The following RASSF6 variants were observed in gnomAD, a reference collection of about 807,000 sequenced individuals.
RASSF6 encodes the protein ras association domain-containing protein 6.
Under a neutral mutation model 44.0 loss-of-function variants are expected in RASSF6, and 52 were observed. That is an observed-to-expected ratio of 1.18 (90% CI 0.95 to 1.49). The LOEUF (loss-of-function observed/expected upper bound fraction) is 1.49, where lower values mean the gene tolerates loss of function less well. Among genes scored for constraint, RASSF6 ranks in the 40% most tolerant of loss-of-function variants. The pLI is 0.00. For missense variants in RASSF6, 464 were observed against 393.3 expected (o/e 1.18, Z -1.52); for synonymous variants, 162 against 124.6 (o/e 1.30, Z -2.00).
intron 4 of RASSF6, among the ~76,000 whole-genome samples, chr4:73,589,781 C>T (rs910900036): frequency 4.6e-5 from 7 of 152,018 alleles, no homozygotes; most frequent in African/African-American, 1.7e-4. Context: ...TTCTGTTGCT[C>T]TGACTAAAGT....
chr4:73,607,497 C>T (rs1218975969), intron 2 of RASSF6, among the ~76,000 whole-genome samples: 1 of 152,186 alleles, frequency 6.6e-6, no homozygotes, highest in Admixed American at 6.5e-5. Flanking sequence ...TCTAGGGAAG[C>T]CTTCTTGGAA....
At chr4:73,592,728 A>AG (rs1329205906) in intron 4 of RASSF6, among the ~76,000 whole-genome samples, 1 of 152,194 alleles carries the variant, frequency 6.6e-6, no homozygotes, top group African/African-American at 2.4e-5. Context: ...GGTAGAAAGC[A>AG]CAATGAGCCC....
rs1723344876 is a variant in RASSF6 at position 73,577,961 on chromosome 4, A to T, written c.722-1230T>A. On this transcript the variant is annotated intron_variant, in intron 8 of 10. Coordinates refer to ENST00000307439, the MANE Select transcript of RASSF6 (RefSeq NM_177532.5). ...ATACACTGTAATGGGCTTTGTAGAT[A>T]TAAAGTTAAAACCCACCTATCTCTG... Among the ~76,000 whole-genome samples the T allele has an allele frequency of 2.0e-5, 3 of 151,800 alleles. No individual in the cohort carries two copies. The South Asian group carries it at 6.2e-4, about 32-fold the overall frequency.
chr4:73,586,518 A>T (rs1227956594), intron 5 of RASSF6, among the ~76,000 whole-genome samples: 1 of 151,858 alleles, frequency 6.6e-6, no homozygotes, highest in Non-Finnish European at 1.5e-5. Context: ...GCTTGTATAC[A>T]ATTGATAGTA....
rs761375131 is a variant in RASSF6 at position 73,611,829 on chromosome 4, C to T, written c.-34G>A. On this transcript the variant is annotated splice_region_variant and 5_prime_UTR_variant, in exon 2 of 11. Coordinates refer to ENST00000307439, the MANE Select transcript of RASSF6 (RefSeq NM_177532.5). ...CCTTTTTGAGATGGTCTGAGGATATCCTAAACATGAGAATAATATTAATGA... is the reference window on the plus strand; with the variant it reads ...CCTTTTTGAGATGGTCTGAGGATATTCTAAACATGAGAATAATATTAATGA... 1.9e-6 allele frequency: 3 copies of T among 1,576,506 alleles called. No individual in the cohort carries two copies. In the East Asian group the frequency reaches 6.8e-5, roughly 35 times the overall value.
chr4:73,573,388 A>G lies in RASSF6; in HGVS notation c.*2847T>C, dbSNP rs1316348606. ...AGTGATCCACCTACCTTGGCCTCCT[A>G]AAGTGCTGGGATTACAGGCGTGAGC... On this transcript the variant is annotated 3_prime_UTR_variant, in exon 11 of 11. Coordinates refer to ENST00000307439, the MANE Select transcript of RASSF6 (RefSeq NM_177532.5). The G allele has an allele frequency of 6.6e-6, 1 of 152,198 alleles. No homozygotes were observed. Among genetic ancestry groups the G allele is most frequent in the Non-Finnish European group, 1.5e-5 (1 of 68,046 alleles). The allele number at this position is 152,198 out of a possible 1,614,324, so 9.4% of individuals were successfully genotyped here.
chr4:73,619,137 G>T (rs774063299), intron 1 of RASSF6, among the ~76,000 whole-genome samples: 3 of 152,198 alleles, frequency 2.0e-5, no homozygotes, highest in Non-Finnish European at 2.9e-5. Flanking sequence ...TTCAAAAGCA[G>T]TCTCCTTTAT....
rs1723186801 is a variant in RASSF6, at chr4:73,576,103, T to C, written c.*132A>G. On this transcript the variant is annotated 3_prime_UTR_variant, in exon 11 of 11. Transcript: ENST00000307439. ...ATCACTTCAAAAAGAAATGAGCTTT[T>C]TTTGACATTCAATTTTCTACGATTC... is the stretch of plus-strand genomic sequence containing the variant. 1 of 548,306 alleles carries C rather than the reference T, an allele frequency of 1.8e-6. No homozygotes were observed. Among genetic ancestry groups the C allele is most frequent in the Non-Finnish European group, 3.1e-6 (1 of 317,536 alleles). The allele number at this position is 548,306 out of a possible 1,614,324, so 34.0% of individuals were successfully genotyped here. A position where few individuals can be genotyped will look rare whatever the true frequency, so the allele number is the denominator to read the frequency against.
intron 4 of RASSF6, among the ~76,000 whole-genome samples, chr4:73,591,095 T>C (rs1359103892): frequency 1.3e-5 from 2 of 152,288 alleles, no homozygotes; most frequent in South Asian, 4.1e-4. Flanking sequence ...TTAATAATAA[T>C]ATATTGCATA....
rs185229189 is a variant in RASSF6 at position 73,610,047 on chromosome 4, C to T, written c.65+1684G>A. Among the ~76,000 whole-genome samples, 3 of 152,276 alleles carry T rather than the reference C, an allele frequency of 2.0e-5. No individual in the cohort carries two copies. In the East Asian group the frequency reaches 5.8e-4, roughly 29 times the overall value. ...TTTTAAGAAATGCTTCTTATTCAATCTCAAATGTAATGTGTCCAGAACTGA... is the reference window on the plus strand; with the variant it reads ...TTTTAAGAAATGCTTCTTATTCAATTTCAAATGTAATGTGTCCAGAACTGA... On this transcript the variant is annotated intron_variant, in intron 2 of 10. Coordinates refer to ENST00000307439, the MANE Select transcript of RASSF6 (RefSeq NM_177532.5).
intron 4 of RASSF6, 78 bp downstream of exon 4, chr4:73,593,373 C>A: frequency 7.6e-7 from 1 of 1,323,566 alleles, no homozygotes; most frequent in Non-Finnish European, 1.0e-6. Context: ...CTTAAGTTTC[C>A]CTCCTTAAGA....
At chr4:73,618,206 A>G (rs1415182566) in intron 1 of RASSF6, among the ~76,000 whole-genome samples, 2 of 151,768 alleles carry the variant, frequency 1.3e-5, no homozygotes, top group African/African-American at 4.8e-5. Flanking sequence ...ATTGACCACA[A>G]CATTTAATAG....
intron 4 of RASSF6, 149 bp downstream of exon 4, chr4:73,593,302 C>T: frequency 1.3e-6 from 1 of 754,080 alleles, no homozygotes; most frequent in Non-Finnish European, 2.0e-6. Flanking sequence ...AGGTGTGAGC[C>T]ACCGTGCCCG....
At chr4:73,619,887 C>T (rs1054924260) in intron 1 of RASSF6, among the ~76,000 whole-genome samples, 2 of 151,782 alleles carry the variant, frequency 1.3e-5, no homozygotes, top group Admixed American at 6.6e-5. Flanking sequence ...TGCGATGATT[C>T]AACACAATAT....
In RASSF6 at chr4:73,593,460, G is replaced by C. The variant is rs768748092; in HGVS notation, c.278C>G (p.Ser93Cys). Residue 93 changes from serine to cysteine, a missense_variant, in exon 4 of 11, where the codon TCC (serine) becomes TGC (cysteine). Ser to Cys is a moderately radical substitution (Grantham distance 112). Coordinates refer to ENST00000307439, the MANE Select transcript of RASSF6 (RefSeq NM_177532.5). ...FTSMKSSDVF[S>C]SKGMTRWGEF... ...ATGAAAGATAGCTTACCCTTTGCTG[G>C]AGAAGACGTCTGATGACTTCATACT... 6.2e-7 allele frequency: 1 copy of C among 1,603,414 alleles called. No homozygotes were observed. Among genetic ancestry groups the C allele is most frequent in the Non-Finnish European group, 8.5e-7 (1 of 1,176,712 alleles).
rs1436225937 is a variant in RASSF6, at chr4:73,573,415, A to G, written c.*2820T>C. The G allele has an allele frequency of 6.6e-6, 1 of 152,240 alleles. No homozygotes were observed. The highest frequency in any genetic ancestry group is 1.5e-5 in the Non-Finnish European group (1 of 68,054). The allele number at this position is 152,240 out of a possible 1,614,324, so 9.4% of individuals were successfully genotyped here. ...AGTGCTGGGATTACAGGCGTGAGCC[A>G]CCGTCCATGGCCTATTTCCCTCTTT... On this transcript the variant is annotated 3_prime_UTR_variant, in exon 11 of 11. Coordinates refer to ENST00000307439, the MANE Select transcript of RASSF6 (RefSeq NM_177532.5).
chr4:73,584,092 A>G (rs1411934294), intron 6 of RASSF6, among the ~76,000 whole-genome samples: 1 of 152,098 alleles, frequency 6.6e-6, no homozygotes, highest in Non-Finnish European at 1.5e-5. Context: ...TCTGTGGGGG[A>G]CTATCAATGC....
Position 73,581,814 on chromosome 4 carries a change from T to C in RASSF6, c.721+3A>G, listed in dbSNP as rs1324838277. 1.4e-5 allele frequency: 22 copies of C among 1,604,970 alleles called. No homozygotes were observed. Among genetic ancestry groups the C allele is most frequent in the Non-Finnish European group, 1.9e-5 (22 of 1,172,324 alleles). On this transcript the variant is annotated splice_donor_region_variant and intron_variant, in intron 8 of 10. Coordinates refer to ENST00000307439, the MANE Select transcript of RASSF6 (RefSeq NM_177532.5). ...GGTAAAAAGTGTGATCAAGCTTTCTTACCTCCTGTTGCAAAAATAATGTGA... is the reference window on the plus strand; with the variant it reads ...GGTAAAAAGTGTGATCAAGCTTTCTCACCTCCTGTTGCAAAAATAATGTGA...
At position 73,593,435 on chromosome 4, in the gene RASSF6, A is replaced by G; in HGVS notation, c.287+16T>C. The stretch of plus-strand genomic sequence containing the variant: ...GATCATCTTCTGAGGAATTAAAAAC[A>G]TGAAAGATAGCTTACCCTTTGCTGG... On this transcript the variant is annotated intron_variant, in intron 4 of 10. Coordinates refer to ENST00000307439, the MANE Select transcript of RASSF6 (RefSeq NM_177532.5). The G allele has an allele frequency of 6.3e-7, 1 of 1,591,016 alleles. No individual in the cohort carries two copies. The highest frequency in any genetic ancestry group is 8.5e-7 in the Non-Finnish European group (1 of 1,171,958).
Sources: allele counts gnomAD v4.1 joint callset (sites outside exome capture counted in the v4.1 genomes callset), GRCh38; gene constraint gnomAD v4.1.1; transcripts MANE v1.5; gene names NCBI Gene and HGNC (gene_info 2026-07-23, HGNC 2026-07-21).